Variants in ENTREP2 observed in about 807,000 individuals in gnomAD.
The protein encoded by ENTREP2 is protein ENTREP2.
chr15:29,126,563 C>G, the ENTREP2 span: 1 of 1,313,144 alleles, frequency 7.6e-7, no homozygotes, highest in Non-Finnish European at 1.1e-6. Flanking sequence ...GCCTGCCCCT[C>G]AAACTCCAGA....
chr15:29,385,127 C>T, the ENTREP2 span, among the ~76,000 whole-genome samples: 3 of 152,142 alleles, frequency 2.0e-5, no homozygotes, highest in Non-Finnish European at 4.4e-5. Context: ...TCAGATTGAA[C>T]GCCTTGACCT....
the ENTREP2 span, among the ~76,000 whole-genome samples, chr15:29,555,903 G>T: frequency 6.6e-6 from 1 of 152,106 alleles, no homozygotes; most frequent in African/African-American, 2.4e-5. Flanking sequence ...CCCTGTCAAA[G>T]CTCCCCCGCA....
chr15:29,555,367 G>C, the ENTREP2 span, among the ~76,000 whole-genome samples: 2 of 152,248 alleles, frequency 1.3e-5, no homozygotes, highest in South Asian at 4.1e-4. Context: ...AGAAAGAATT[G>C]GGGCTACTAG....
chr15:29,403,111 G>C, the ENTREP2 span, among the ~76,000 whole-genome samples: 2 of 152,168 alleles, frequency 1.3e-5, no homozygotes, highest in Admixed American at 6.5e-5. Flanking sequence ...GTGGCAGGAT[G>C]ACCAACAAGG....
the ENTREP2 span, among the ~76,000 whole-genome samples, chr15:29,254,718 A>G: frequency 1.3e-5 from 2 of 152,076 alleles, no homozygotes; most frequent in Admixed American, 6.6e-5. Context: ...TTAGCCGGGC[A>G]TGGTGCTGCG....
chr15:29,451,357 T>C, the ENTREP2 span, among the ~76,000 whole-genome samples: 1 of 152,096 alleles, frequency 6.6e-6, no homozygotes, highest in South Asian at 2.1e-4. Context: ...TTCTCGCCTC[T>C]CCCACAGGAG....
At chr15:29,343,807 GA>G in the ENTREP2 span, among the ~76,000 whole-genome samples, 1 of 152,000 alleles carries the variant, frequency 6.6e-6, no homozygotes, top group Non-Finnish European at 1.5e-5. Context: ...ACTCAAAACA[GA>G]AAGTAAAATT....
At chr15:29,431,203 C>T in the ENTREP2 span, among the ~76,000 whole-genome samples, 2 of 152,144 alleles carry the variant, frequency 1.3e-5, no homozygotes, top group South Asian at 4.1e-4. Flanking sequence ...TAAAATCACG[C>T]TGGCAGTAAC....
chr15:29,158,963 G>C, the ENTREP2 span, among the ~76,000 whole-genome samples: 15 of 152,280 alleles, frequency 9.9e-5, 1 homozygote, highest in Admixed American at 9.8e-4. Flanking sequence ...AAGATTAACA[G>C]AGAAAAGCGA....
chr15:29,397,177 G>A, the ENTREP2 span, among the ~76,000 whole-genome samples: 1 of 152,262 alleles, frequency 6.6e-6, no homozygotes, highest in Admixed American at 6.5e-5. Context: ...GATCACTTGA[G>A]GTCAGGAGCT....
At chr15:29,140,752 A>C in the ENTREP2 span, among the ~76,000 whole-genome samples, 1 of 152,058 alleles carries the variant, frequency 6.6e-6, no homozygotes, top group African/African-American at 2.4e-5. Context: ...CCTCACCTGC[A>C]TGTTGACTGC....
the ENTREP2 span, among the ~76,000 whole-genome samples, chr15:29,562,854 A>C: frequency 6.6e-6 from 1 of 152,058 alleles, no homozygotes; most frequent in South Asian, 2.1e-4. Context: ...GCAGTGGTGC[A>C]ATCGAAGCTC....
chr15:29,135,182 T>C, the ENTREP2 span, among the ~76,000 whole-genome samples: 1 of 150,842 alleles, frequency 6.6e-6, no homozygotes, highest in African/African-American at 2.5e-5. This position sits in a 1 kb window ranked among gnomAD's most constrained non-coding sequence, Gnocchi z 7.4. Flanking sequence ...AACTCACTGC[T>C]GTGTTCCCCA....
chr15:29,542,266 T>C, the ENTREP2 span, among the ~76,000 whole-genome samples: 1 of 151,964 alleles, frequency 6.6e-6, no homozygotes, highest in South Asian at 2.1e-4. Flanking sequence ...CCACCTGCCT[T>C]GGCCTCCCCA....
the ENTREP2 span, among the ~76,000 whole-genome samples, chr15:29,495,728 G>A: frequency 6.6e-6 from 1 of 151,986 alleles, no homozygotes; most frequent in African/African-American, 2.4e-5. Context: ...TATATGCATG[G>A]GTTTATTTAT....
the ENTREP2 span, among the ~76,000 whole-genome samples, chr15:29,617,736 G>A: frequency 6.6e-6 from 1 of 152,188 alleles, no homozygotes; most frequent in Non-Finnish European, 1.5e-5. Flanking sequence ...CATTGGGCAG[G>A]AGGCGCTCTT....
At chr15:29,218,278 G>T in the ENTREP2 span, among the ~76,000 whole-genome samples, 1 of 152,170 alleles carries the variant, frequency 6.6e-6, no homozygotes, top group Non-Finnish European at 1.5e-5. Flanking sequence ...TGGGTGTGGA[G>T]AGGAACCTAC....
the ENTREP2 span, among the ~76,000 whole-genome samples, chr15:29,211,856 A>G: frequency 4.6e-5 from 7 of 151,924 alleles, no homozygotes; most frequent in African/African-American, 1.7e-4. Flanking sequence ...TTATCTTTTG[A>G]TATGTTGTTG....
chr15:29,262,412 C>A, the ENTREP2 span, among the ~76,000 whole-genome samples: 8 of 152,224 alleles, frequency 5.3e-5, no homozygotes, highest in African/African-American at 1.9e-4. Flanking sequence ...AAACTCTGAG[C>A]AGACAGGCCT....
Sources: gnomAD v4.1 joint callset for allele counts (sites outside exome capture counted in the v4.1 genomes callset) on GRCh38, gnomAD v4.1.1 for gene constraint, Gnocchi (gnomAD v3.1) non-coding constraint, MANE v1.5 for transcripts, NCBI Gene and HGNC (gene_info 2026-07-23, HGNC 2026-07-21) for gene names.